Variants in RILPL1 observed in about 807,000 individuals in gnomAD.
RILPL1 encodes Rab interacting lysosomal protein like 1.
A neutral mutation model predicts 50.3 loss-of-function variants in RILPL1; 33 were observed. That is an observed-to-expected ratio of 0.66 (90% CI 0.50 to 0.88). The LOEUF is 0.88. RILPL1 is among the 40% of genes least tolerant of loss of function. The pLI, the probability that RILPL1 is intolerant of heterozygous loss-of-function variation, is 0.00. For missense variants in RILPL1, 418 were observed against 542.5 expected (o/e 0.77, Z 2.28); for synonymous variants, 205 against 228.6 (o/e 0.90, Z 0.93).
rs59944903 is a variant in RILPL1 at position 123,517,424 on chromosome 12, GT to G, written c.460+6070del. On this transcript the variant is annotated intron_variant, in intron 2 of 6. Transcript: ENST00000376874. ...AGGGCACAGCAATTTTGTTGTTATT[GT>G]TTTTTTTTTTTTTTTTTGCGAGTCT... Among the ~76,000 whole-genome samples, 796 of 131,860 alleles carry G rather than the reference GT, an allele frequency of 6.0e-3. 4 individuals carry two copies. Among genetic ancestry groups the G allele is most frequent in the African/African-American group, 0.018 (621 of 35,102 alleles). 86.5% of individuals were successfully genotyped at this position (131,860 alleles called of 152,430 possible).
Position 123,511,725 on chromosome 12 carries a change from TTG to T in RILPL1, c.460+11768_460+11769del, listed in dbSNP as rs1314789519. The stretch of plus-strand genomic sequence containing the variant: ...TGTGAGATCTGTGTGTGTGTGAGGT[TTG>T]TGTGTGTGGTGTGTGTGAGGTCTGT... On this transcript the variant is annotated intron_variant, in intron 2 of 6. Transcript: ENST00000376874. 7.1e-5 allele frequency among the ~76,000 whole-genome samples: 5 copies of T among 70,902 alleles called. No individual in the cohort carries two copies. In the East Asian group the frequency reaches 2.7e-3, roughly 38 times the overall value. 46.5% of individuals were successfully genotyped at this position (70,902 alleles called of 152,430 possible).
At chr12:123,488,185 T>A (rs1387729823) in intron 4 of RILPL1, among the ~76,000 whole-genome samples, 3 of 152,074 alleles carry the variant, frequency 2.0e-5, no homozygotes, top group African/African-American at 4.8e-5. Context: ...ACACTCCTAA[T>A]TCTAGCACTT....
intron 2 of RILPL1, among the ~76,000 whole-genome samples, chr12:123,521,553 GTATATATATTAATATATATACACACATAT>G (rs1885006869): frequency 9.3e-5 from 2 of 21,486 alleles, no homozygotes; most frequent in South Asian, 2.2e-3. Flanking sequence ...ATATATGTGT[GTATATATATTAATATATATACACACATAT>G]GTGTATATAT....
At chr12:123,524,081 G>A (rs1219957637) in intron 1 of RILPL1, among the ~76,000 whole-genome samples, 1 of 152,190 alleles carries the variant, frequency 6.6e-6, no homozygotes, top group South Asian at 2.1e-4. Flanking sequence ...CGAGGCAGAC[G>A]GGGCCCCCTG....
intron 6 of RILPL1, among the ~76,000 whole-genome samples, chr12:123,479,503 C>A: frequency 6.6e-6 from 1 of 152,176 alleles, no homozygotes; most frequent in South Asian, 2.1e-4. Context: ...GCCTCAGAAA[C>A]TGTCATTCCC....
intron 6 of RILPL1, among the ~76,000 whole-genome samples, chr12:123,477,403 A>G (rs924996362): frequency 3.5e-4 from 51 of 146,746 alleles, no homozygotes; most frequent in African/African-American, 1.3e-3. Context: ...TAGTGGCACA[A>G]TCTCTGCTCA....
At chr12:123,529,047 G>A (rs767039738) in intron 1 of RILPL1, among the ~76,000 whole-genome samples, 14 of 152,088 alleles carry the variant, frequency 9.2e-5, no homozygotes, top group East Asian at 1.9e-4. Context: ...CAGCCACACC[G>A]ACTCTGTGTT....
At position 123,489,765 on chromosome 12, in the gene RILPL1, A is replaced by G. The variant is rs1882567172; in HGVS notation, c.802-3960T>C. ...TGTGGTCTCTATGCATGGGGTCTTG[A>G]CGAATATGTAGGAGTTCACCAGGAA... is the stretch of plus-strand genomic sequence containing the variant. On this transcript the variant is annotated intron_variant, in intron 4 of 6. Coordinates refer to ENST00000376874, the MANE Select transcript of RILPL1 (RefSeq NM_178314.5). The surrounding 1 kb of genome is among the most constrained non-coding windows in gnomAD (Gnocchi z 4.0). 6.6e-6 allele frequency among the ~76,000 whole-genome samples: 1 copy of G among 152,050 alleles called. No individual in the cohort carries two copies. The highest frequency in any genetic ancestry group is 2.4e-5 in the African/African-American group (1 of 41,408).
chr12:123,530,121 T>A (rs1287871370), intron 1 of RILPL1, among the ~76,000 whole-genome samples: 1 of 152,164 alleles, frequency 6.6e-6, no homozygotes, highest in Non-Finnish European at 1.5e-5. Context: ...ATATTTTGGA[T>A]CTACTGGGTC....
Position 123,491,770 on chromosome 12 carries a change from C to T in RILPL1, c.802-5965G>A, listed in dbSNP as rs9697581. Among the ~76,000 whole-genome samples the T allele has an allele frequency of 0.22, 33,514 of 151,986 alleles. 3,970 individuals are homozygous for T. The highest frequency in any genetic ancestry group is 0.27 in the African/African-American group (11,330 of 41,434). ...CACACCTGTAATCCCAGCAGGAGGCCGAAGCAGGCGGATCATTTGAGGTCA... is the reference window on the plus strand; with the variant it reads ...CACACCTGTAATCCCAGCAGGAGGCTGAAGCAGGCGGATCATTTGAGGTCA... On this transcript the variant is annotated intron_variant, in intron 4 of 6. Transcript: ENST00000376874. This position sits in a 1 kb window ranked among gnomAD's most constrained non-coding sequence, Gnocchi z 4.0.
At chr12:123,523,283 G>A (rs1220364522) in intron 2 of RILPL1, among the ~76,000 whole-genome samples, 1 of 152,202 alleles carries the variant, frequency 6.6e-6, no homozygotes, top group Non-Finnish European at 1.5e-5. Flanking sequence ...ACAGTTTGCT[G>A]AAAGGACCTC....
chr12:123,474,737 G>A (rs1881477631), intron 6 of RILPL1: 1 of 152,240 alleles, frequency 6.6e-6, no homozygotes, highest in Admixed American at 6.5e-5. Context: ...ATAATAGCAT[G>A]TTATGTTTCC....
chr12:123,512,917 T>G (rs1884450360), intron 2 of RILPL1, among the ~76,000 whole-genome samples: 1 of 132,038 alleles, frequency 7.6e-6, no homozygotes, highest in Non-Finnish European at 1.6e-5. Flanking sequence ...CGTGTATGTG[T>G]GTGGTGACAT....
intron 2 of RILPL1, 95 bp downstream of exon 2, chr12:123,523,400 G>C (rs148968295): frequency 1.4e-6 from 2 of 1,423,156 alleles, no homozygotes; most frequent in Middle Eastern, 1.8e-4. Context: ...AGCCAGCACC[G>C]CATCAGCGTC....
chr12:123,519,036 G>A (rs9777989), intron 2 of RILPL1, among the ~76,000 whole-genome samples: 33,039 of 126,894 alleles, frequency 0.26, 4,674 homozygotes, highest in Non-Finnish European at 0.33. Context: ...CAGCCTAGGC[G>A]ACAGAGTGAG....
intron 1 of RILPL1, among the ~76,000 whole-genome samples, chr12:123,530,161 G>C (rs1407820212): frequency 6.6e-6 from 1 of 152,056 alleles, no homozygotes; most frequent in Non-Finnish European, 1.5e-5. Context: ...TAACCTCACT[G>C]GTTTGTTGTT....
At chr12:123,511,128 C>CTA (rs144372679) in intron 2 of RILPL1, among the ~76,000 whole-genome samples, 95,803 of 99,676 alleles carry the variant, frequency 0.96, 46,079 homozygotes, top group Non-Finnish European at 0.98. Flanking sequence ...TGTGTGAGGT[C>CTA]TATGTGTGTG....
intron 6 of RILPL1, among the ~76,000 whole-genome samples, chr12:123,477,691 G>C (rs978127866): frequency 1.3e-5 from 2 of 152,082 alleles, no homozygotes. Context: ...GAGAAGATGA[G>C]ATGCCTTCTG....
chr12:123,525,109 G>A (rs1205155481), intron 1 of RILPL1, among the ~76,000 whole-genome samples: 1 of 152,112 alleles, frequency 6.6e-6, no homozygotes, highest in Non-Finnish European at 1.5e-5. Flanking sequence ...TCCAGCCTGG[G>A]TGACAGAGTG....
Sources: gnomAD v4.1 joint callset for allele counts (sites outside exome capture counted in the v4.1 genomes callset) on GRCh38, gnomAD v4.1.1 for gene constraint, Gnocchi (gnomAD v3.1) non-coding constraint, MANE v1.5 for transcripts, NCBI Gene and HGNC (gene_info 2026-07-23, HGNC 2026-07-21) for gene names.